The following USP34 variants were observed in gnomAD, a reference collection of about 807,000 sequenced individuals.
USP34 encodes ubiquitin carboxyl-terminal hydrolase 34.
USP34 carries 70 observed loss-of-function variants against 460.3 expected under a neutral mutation model. That is an observed-to-expected ratio of 0.15 (90% CI 0.13 to 0.19). The LOEUF is 0.19. Ranked by LOEUF, USP34 falls within the 10% of genes least tolerant of loss-of-function variation. The pLI, the probability that USP34 is intolerant of heterozygous loss-of-function variation, is 1.00. For synonymous variants in USP34, 1,647 were observed against 1,405.3 expected, an observed-to-expected ratio of 1.17 and a Z score of -3.85; for missense variants, 3,985 against 4,236.2, an observed-to-expected ratio of 0.94 and a Z score of 1.65.
Position 61,406,077 on chromosome 2 carries a change from T to G in USP34, c.183A>C (p.Gln61His). Residue 61 changes from glutamine to histidine, a missense_variant, in exon 3 of 80, where the codon CAA becomes CAC. By Grantham distance (24) the Gln-to-His change is conservative. Around this residue, in one of 14 missense-constraint regions of USP34, gnomAD observed 331 missense variants for 293.7 expected, o/e 1.13. Coordinates refer to ENST00000398571, the MANE Select transcript of USP34 (RefSeq NM_014709.4). ...CTAAGTTAATAAGTGCACACACTACTTGATTAAAAATCTCCAAATGCTTAT... is the reference window on the plus strand; with the variant it reads ...CTAAGTTAATAAGTGCACACACTACGTGATTAAAAATCTCCAAATGCTTAT... The part of the protein sequence containing the change: ...KEYKHLEIFN[Q>H]VVCALINLVI... The G allele has an allele frequency of 6.2e-7, 1 of 1,613,120 alleles. No individual in the cohort carries two copies. Among genetic ancestry groups the G allele is most frequent in the South Asian group, 1.1e-5 (1 of 90,706 alleles).
At chr2:61,441,678 C>G (rs1297607586) in intron 1 of USP34, among the ~76,000 whole-genome samples, 1 of 151,846 alleles carries the variant, frequency 6.6e-6, no homozygotes, top group African/African-American at 2.4e-5. Flanking sequence ...TTGATGCATG[C>G]CTGTAGTCCC....
chr2:61,307,528 A>G (rs1310168327), intron 27 of USP34, among the ~76,000 whole-genome samples: 4 of 152,094 alleles, frequency 2.6e-5, no homozygotes, highest in African/African-American at 9.7e-5. Context: ...TTTTTAATAA[A>G]TAAGAGTTTA....
chr2:61,209,011 C>G, intron 69 of USP34, 34 bp from the exon 70 acceptor site: 2 of 1,414,796 alleles, frequency 1.4e-6, no homozygotes, highest in Non-Finnish European at 1.9e-6. Context: ...TTTGAGAAGT[C>G]TGAATAAGAA....
Position 61,470,647 on chromosome 2 carries a change from T to TA in USP34, c.43+2dup. ...CCGACAGGCCGCTACCGCGGCTACTTACTTTCATTTAACACCTCCACCAGG... is the reference window on the plus strand; with the variant it reads ...CCGACAGGCCGCTACCGCGGCTACTTAACTTTCATTTAACACCTCCACCAGG... On this transcript the variant is annotated splice_region_variant and intron_variant, in intron 1 of 79. Coordinates refer to ENST00000398571, the MANE Select transcript of USP34 (RefSeq NM_014709.4). 6.3e-7 allele frequency: 1 copy of TA among 1,591,168 alleles called. No homozygotes were observed. The highest frequency in any genetic ancestry group is 8.6e-7 in the Non-Finnish European group (1 of 1,167,424).
chr2:61,406,097 G>C lies in USP34; in HGVS notation c.163C>G (p.His55Asp). ...ACTACTTGATTAAAAATCTCCAAAT[G>C]CTTATATTCCTTGAAGCAGCATAGA... The part of the protein sequence containing the change: ...QCLCCFKEYK[H>D]LEIFNQVVCA... Residue 55 changes from histidine (H) to aspartate (D), a missense_variant, in exon 3 of 80, where the codon CAT becomes GAT. Physicochemically the swap from His to Asp is moderately conservative, Grantham distance 81. Around this residue, in one of 14 missense-constraint regions of USP34, gnomAD observed 331 missense variants for 293.7 expected, o/e 1.13. Transcript: ENST00000398571. 5 of 1,611,274 alleles carry C rather than the reference G, an allele frequency of 3.1e-6. No individual in the cohort carries two copies. The highest frequency in any genetic ancestry group is 4.2e-6 in the Non-Finnish European group (5 of 1,179,216).
intron 48 of USP34, among the ~76,000 whole-genome samples, chr2:61,255,766 C>T (rs748396868): frequency 5.9e-5 from 9 of 152,140 alleles, no homozygotes; most frequent in Non-Finnish European, 1.0e-4. Flanking sequence ...TCCCTTTGTC[C>T]AGCTTATCTG....
chr2:61,442,898 T>TACACACACACACACACACACAC (rs58151221), intron 1 of USP34, among the ~76,000 whole-genome samples: 1 of 147,202 alleles, frequency 6.8e-6, no homozygotes, highest in Non-Finnish European at 1.5e-5. Flanking sequence ...GTGATGTGTG[T>TACACACACACACACACACACAC]ACACACACAC....
In USP34 at chr2:61,286,841, C is replaced by T. The variant is rs530969764; in HGVS notation, c.4749+1836G>A. 3.3e-5 allele frequency among the ~76,000 whole-genome samples: 5 copies of T among 152,076 alleles called. No individual in the cohort carries two copies. The Middle Eastern group carries it at 0.01, about 310-fold the overall frequency. On this transcript the variant is annotated intron_variant, in intron 34 of 79. Coordinates refer to ENST00000398571, the MANE Select transcript of USP34 (RefSeq NM_014709.4). ...CCAATAACCTATAAACCTCCATAAA[C>T]GTGCGTATTTTACACATACACTTAT...
chr2:61,271,324 G>A (rs193173849), intron 41 of USP34, among the ~76,000 whole-genome samples: 20 of 152,242 alleles, frequency 1.3e-4, no homozygotes, highest in Non-Finnish European at 2.2e-4. Flanking sequence ...TCATGTCAAT[G>A]CAATCTGATC....
At chr2:61,331,245 A>T in intron 20 of USP34, 31 bp downstream of exon 20, 7 of 1,550,954 alleles carry the variant, frequency 4.5e-6, no homozygotes, top group African/African-American at 1.4e-5. Flanking sequence ...CATCGACACA[A>T]ATGTATTTAA....
At chr2:61,296,679 T>C in intron 30 of USP34, 121 bp downstream of exon 30, 2 of 1,027,290 alleles carry the variant, frequency 1.9e-6, no homozygotes, top group South Asian at 5.1e-5. Flanking sequence ...TTACCTACTA[T>C]ATGGGTAAAA....
chr2:61,337,782 A>G (rs1401998067), intron 18 of USP34, among the ~76,000 whole-genome samples: 1 of 152,128 alleles, frequency 6.6e-6, no homozygotes, highest in African/African-American at 2.4e-5. Flanking sequence ...GGCTGCTGTT[A>G]GCATTCTTGA....
Position 61,187,929 on chromosome 2 carries a change from G to C in USP34, c.*173C>G. The C allele has an allele frequency of 7.0e-7, 1 of 1,431,100 alleles. No individual in the cohort carries two copies. The highest frequency in any genetic ancestry group is 1.4e-5 in the African/African-American group (1 of 69,510). The allele number at this position is 1,431,100 out of a possible 1,614,324, so 88.7% of individuals were successfully genotyped here. A position where few individuals can be genotyped will look rare whatever the true frequency, so the allele number is the denominator to read the frequency against. On this transcript the variant is annotated 3_prime_UTR_variant, in exon 80 of 80. Transcript: ENST00000398571. The stretch of plus-strand genomic sequence containing the variant: ...TTTAGGAAGTATACTGAAGATGCAA[G>C]TTTTTTTCATCTGGAGTTCTGCCTG...
intron 1 of USP34, among the ~76,000 whole-genome samples, chr2:61,440,865 C>T (rs917166927): frequency 4.6e-5 from 7 of 151,612 alleles, no homozygotes. Context: ...CAGTGGCTCA[C>T]GCCTGTAATC....
At chr2:61,252,696 T>C (rs1161971057) in intron 48 of USP34, among the ~76,000 whole-genome samples, 2 of 152,206 alleles carry the variant, frequency 1.3e-5, no homozygotes, top group African/African-American at 4.8e-5. Flanking sequence ...TTTGGGAGAC[T>C]GACAAATGAA....
chr2:61,229,251 T>A (rs1475859855), intron 59 of USP34, among the ~76,000 whole-genome samples: 1 of 17,240 alleles, frequency 5.8e-5, no homozygotes, highest in East Asian at 1.7e-3. Flanking sequence ...AATGTATTAT[T>A]ACAGATTATT....
intron 2 of USP34, among the ~76,000 whole-genome samples, chr2:61,407,794 G>C (rs978474199): frequency 3.3e-5 from 5 of 152,166 alleles, no homozygotes; most frequent in African/African-American, 1.2e-4. Context: ...GAGACCACAT[G>C]AGAAAGTACC....
chr2:61,271,138 A>G (rs554544848), intron 41 of USP34, among the ~76,000 whole-genome samples: 1 of 152,110 alleles, frequency 6.6e-6, no homozygotes, highest in East Asian at 1.9e-4. Flanking sequence ...AAACAAAACA[A>G]CAACAACAAA....
intron 3 of USP34, among the ~76,000 whole-genome samples, chr2:61,403,087 T>A (rs189371117): frequency 4.5e-4 from 68 of 152,294 alleles, no homozygotes; most frequent in African/African-American, 1.6e-3. Flanking sequence ...TAGAATTTGG[T>A]ATAAGGAGGT....
Sources: gnomAD v4.1 joint callset for allele counts (sites outside exome capture counted in the v4.1 genomes callset) on GRCh38, gnomAD v4.1.1 for gene constraint, gnomAD v4.1.1 regional missense constraint, MANE v1.5 for transcripts, NCBI Gene and HGNC (gene_info 2026-07-23, HGNC 2026-07-21) for gene names.